The following ADAM12 variants were observed in gnomAD, a reference collection of about 807,000 sequenced individuals.
The protein encoded by ADAM12 is ADAM metallopeptidase domain 12, also known as disintegrin and metalloproteinase domain-containing protein 12.
In ADAM12, 70 loss-of-function variants were observed where a neutral mutation model predicts 106.4. The observed-to-expected ratio is 0.66, with a 90% CI of 0.54 to 0.80. The LOEUF (loss-of-function observed/expected upper bound fraction) is 0.80, where lower values mean the gene tolerates loss of function less well. Among genes scored for constraint, ADAM12 ranks in the 30% least tolerant of loss-of-function variants. ADAM12 has a pLI of 0.00. For synonymous variants in ADAM12, 420 were observed against 433.5 expected (o/e 0.97, Z 0.39); for missense variants, 1,010 against 1,171.9 (o/e 0.86, Z 2.02).
intron 10 of ADAM12, among the ~76,000 whole-genome samples, chr10:126,097,940 T>C (rs1878030): frequency 0.28 from 41,991 of 152,234 alleles, 7,403 homozygotes; most frequent in Non-Finnish European, 0.4. Flanking sequence ...AACTGTATAC[T>C]GGCCAGAAGG....
chr10:126,308,803 T>C (rs1002397396), intron 2 of ADAM12, among the ~76,000 whole-genome samples: 13 of 152,200 alleles, frequency 8.5e-5, no homozygotes, highest in African/African-American at 3.1e-4. Flanking sequence ...AGTTAGCAAC[T>C]GCAAGTAACA....
intron 4 of ADAM12, among the ~76,000 whole-genome samples, chr10:126,135,969 T>C (rs11819232): frequency 0.15 from 23,467 of 152,234 alleles, 2,144 homozygotes; most frequent in Middle Eastern, 0.23. Flanking sequence ...ACAAATCACA[T>C]TGACATCGCC....
At position 126,135,659 on chromosome 10, in the gene ADAM12, C is replaced by T; in HGVS notation, c.341G>A (p.Gly114Asp). 2.5e-6 allele frequency: 4 copies of T among 1,613,748 alleles called. No individual in the cohort carries two copies. The highest frequency in any genetic ancestry group is 3.4e-6 in the Non-Finnish European group (4 of 1,179,642). The part of the protein sequence containing the change: ...TDVSLARNYT[G>D]HCYYHGHVRG... ...TACATGTCCATGGTAGTAACAGTGA[C>T]CCTAAAGGGGAGGAGGAGAGAATCC... is the stretch of plus-strand genomic sequence containing the variant. The change falls in exon 5 of 23, where the codon GGT (glycine) becomes GAT (aspartate). Residue 114 changes from glycine (G) to aspartate (D), a missense_variant and splice_region_variant. This residue lies in a region of ADAM12 where 391 missense variants were observed against 442.9 expected (regional missense o/e 0.88). Transcript: ENST00000448723.
At chr10:126,073,375 T>C (rs1274639761) in intron 11 of ADAM12, among the ~76,000 whole-genome samples, 1 of 152,160 alleles carries the variant, frequency 6.6e-6, no homozygotes, top group Non-Finnish European at 1.5e-5. Flanking sequence ...GGCATGAGCC[T>C]TTAAGCCTGG....
At chr10:126,281,162 T>C (rs1959559181) in intron 2 of ADAM12, among the ~76,000 whole-genome samples, 1 of 152,194 alleles carries the variant, frequency 6.6e-6, no homozygotes, top group African/African-American at 2.4e-5. Flanking sequence ...AACAAGATTA[T>C]TAATTATATT....
rs558715329 is a variant in ADAM12 at position 126,238,547 on chromosome 10, T to C, written c.260+40368A>G. On this transcript the variant is annotated intron_variant, in intron 3 of 22. Coordinates refer to ENST00000448723, the MANE Select transcript of ADAM12 (RefSeq NM_001288973.2). ...CCTGAGAGTTCAAGTTCTAAACCTATGTGTAACCATTTTACTATCTATATG... is the reference window on the plus strand; with the variant it reads ...CCTGAGAGTTCAAGTTCTAAACCTACGTGTAACCATTTTACTATCTATATG... 5.3e-4 allele frequency among the ~76,000 whole-genome samples: 81 copies of C among 152,324 alleles called. 1 individual carries two copies. Among genetic ancestry groups the C allele is most frequent in the Non-Finnish European group, 7.3e-5 (5 of 68,032 alleles).
intron 11 of ADAM12, among the ~76,000 whole-genome samples, chr10:126,091,363 T>C (rs3781030): frequency 0.63 from 96,076 of 152,090 alleles, 32,644 homozygotes; most frequent in Non-Finnish European, 0.75. Flanking sequence ...TGACTGAGGG[T>C]TGACTGAGCC....
chr10:126,366,320 T>C (rs1207596216), intron 1 of ADAM12, among the ~76,000 whole-genome samples: 1 of 152,142 alleles, frequency 6.6e-6, no homozygotes, highest in Non-Finnish European at 1.5e-5. Context: ...AAACACTGCT[T>C]CCATATTAAT....
chr10:126,140,239 T>A lies in ADAM12; in HGVS notation c.340-4579A>T, dbSNP rs192408297. On this transcript the variant is annotated intron_variant, in intron 4 of 22. Transcript: ENST00000448723. ...TGCTGCTCTAAGTAGCTAAATACTG[T>A]TTAAAAAACTGAAAACCAAATGGTG... Among the ~76,000 whole-genome samples the A allele has an allele frequency of 1.3e-3, 197 of 152,362 alleles. 1 individual carries two copies. The East Asian group carries it at 0.022, about 17-fold the overall frequency.
chr10:126,166,443 A>T (rs768863883), intron 3 of ADAM12, among the ~76,000 whole-genome samples: 1 of 152,112 alleles, frequency 6.6e-6, no homozygotes, highest in Non-Finnish European at 1.5e-5. Flanking sequence ...GACTAGATAC[A>T]GTTTGCAAGT....
At chr10:126,085,337 T>C (rs989071739) in intron 11 of ADAM12, among the ~76,000 whole-genome samples, 34 of 152,224 alleles carry the variant, frequency 2.2e-4, no homozygotes, top group African/African-American at 7.2e-4. Context: ...GCTGCTGCAA[T>C]TGCTAGATTT....
At chr10:126,175,190 C>G (rs932949377) in intron 3 of ADAM12, among the ~76,000 whole-genome samples, 1 of 152,214 alleles carries the variant, frequency 6.6e-6, no homozygotes, top group African/African-American at 2.4e-5. Context: ...GCACAGCACA[C>G]ACGAGGAGGT....
chr10:126,122,358 C>T (rs1021715021), intron 5 of ADAM12, among the ~76,000 whole-genome samples: 1 of 152,092 alleles, frequency 6.6e-6, no homozygotes, highest in African/African-American at 2.4e-5. Context: ...GTGTCTCCTT[C>T]TCTGAGATGT....
intron 3 of ADAM12, among the ~76,000 whole-genome samples, chr10:126,201,953 G>A (rs1048323797): frequency 2.6e-5 from 4 of 152,308 alleles, no homozygotes; most frequent in Admixed American, 2.0e-4. Flanking sequence ...CATAAAGAAC[G>A]TCCAGGGAAA....
intron 3 of ADAM12, among the ~76,000 whole-genome samples, chr10:126,245,123 G>A (rs754578500): frequency 2.2e-4 from 33 of 152,318 alleles, no homozygotes; most frequent in Non-Finnish European, 3.2e-4. Flanking sequence ...ACATCCCCTC[G>A]CCAGCCTCGG....
In ADAM12 at chr10:126,155,302, A is replaced by G. The variant is rs1371703218; in HGVS notation, c.264T>C (p.Gly88=). 1 of 1,613,838 alleles carries G rather than the reference A, an allele frequency of 6.2e-7. No homozygotes were observed. The highest frequency in any genetic ancestry group is 1.7e-5 in the Admixed American group (1 of 60,002). Residue 88 remains glycine (G), a synonymous_variant, in exon 4 of 23, where the codon GGT becomes GGC. Coordinates refer to ENST00000448723, the MANE Select transcript of ADAM12 (RefSeq NM_001288973.2). Reference sequence around the variant, plus strand: ...TTTCCGTGAAACTGCTGGCAATGAGACCTCTGCGGAAAAACAAAAACACCA... The same window carrying G: ...TTTCCGTGAAACTGCTGGCAATGAGGCCTCTGCGGAAAAACAAAAACACCA... ...ELIINLERNE[G]LIASSFTETH...
intron 2 of ADAM12, among the ~76,000 whole-genome samples, chr10:126,327,900 GC>G (rs1245500490): frequency 1.3e-5 from 2 of 152,104 alleles, no homozygotes; most frequent in Non-Finnish European, 2.9e-5. Context: ...GGAAATCTTG[GC>G]CCCTGTTGCT....
intron 1 of ADAM12, among the ~76,000 whole-genome samples, chr10:126,360,670 T>C (rs929666965): frequency 6.6e-6 from 1 of 152,200 alleles, no homozygotes; most frequent in Non-Finnish European, 1.5e-5. Flanking sequence ...TCAACAAGTC[T>C]CTAGGGAGTT....
intron 6 of ADAM12, among the ~76,000 whole-genome samples, chr10:126,115,890 T>G (rs1303132659): frequency 6.6e-6 from 1 of 152,246 alleles, no homozygotes; most frequent in African/African-American, 2.4e-5. Context: ...TTTGAAATTA[T>G]TTTTCGCACC....
Sources: allele counts gnomAD v4.1 joint callset (sites outside exome capture counted in the v4.1 genomes callset), GRCh38; gene constraint gnomAD v4.1.1; regional missense constraint gnomAD v4.1.1; transcripts MANE v1.5; gene names NCBI Gene and HGNC (gene_info 2026-07-23, HGNC 2026-07-21).